RAB28: variants seen among roughly 807,000 people sequenced by gnomAD.
The protein encoded by RAB28 is RAB28, member RAS oncogene family, also known as ras-related protein Rab-28.
In RAB28, 24 loss-of-function variants were observed where a neutral mutation model predicts 31.7. The observed-to-expected ratio is 0.76, with a 90% CI of 0.55 to 1.06. The LOEUF is 1.06. Ranked by LOEUF, RAB28 falls within the 50% of genes least tolerant of loss-of-function variation. RAB28 has a pLI of 0.00. For synonymous variants in RAB28, 100 were observed against 90.4 expected (o/e 1.11, Z -0.60); for missense variants, 254 against 258.5 (o/e 0.98, Z 0.12).
At chr4:13,475,588 C>A (rs1450923917) in intron 2 of RAB28, among the ~76,000 whole-genome samples, 6 of 151,506 alleles carry the variant, frequency 4.0e-5, no homozygotes, top group Non-Finnish European at 7.4e-5. Context: ...GTATTACAAT[C>A]TTTCCATTAT....
intron 4 of RAB28, among the ~76,000 whole-genome samples, chr4:13,417,297 C>T (rs1712838664): frequency 6.6e-6 from 1 of 152,334 alleles, no homozygotes; most frequent in Non-Finnish European, 1.5e-5. Context: ...CTGTAAACCC[C>T]ACCTCTGGGA....
chr4:13,419,049 G>A (rs1030112865), intron 4 of RAB28, among the ~76,000 whole-genome samples: 3 of 152,154 alleles, frequency 2.0e-5, no homozygotes, highest in African/African-American at 7.2e-5. Context: ...TAAAGGGATA[G>A]AGGAAGATCT....
At chr4:13,429,947 C>T (rs1366531867) in intron 4 of RAB28, among the ~76,000 whole-genome samples, 1 of 152,058 alleles carries the variant, frequency 6.6e-6, no homozygotes, top group Admixed American at 6.5e-5. Context: ...CAGTAAGTTA[C>T]AGTAATCAAG....
chr4:13,425,968 A>G (rs1041569306), intron 4 of RAB28, among the ~76,000 whole-genome samples: 3 of 152,164 alleles, frequency 2.0e-5, no homozygotes, highest in African/African-American at 7.2e-5. Flanking sequence ...TGCTTGTTTT[A>G]TAGCAGTGAA....
rs1463200292 is a variant in RAB28, at chr4:13,438,668, C to G, written c.391+22031G>C. On this transcript the variant is annotated intron_variant, in intron 4 of 6. Transcript: ENST00000330852. ...TGTTCCCGATTTATCCATTCTTCAG[C>G]TAATAGAAATTTGGGCTGTTACTAC... 7.2e-5 allele frequency among the ~76,000 whole-genome samples: 11 copies of G among 152,216 alleles called. No individual in the cohort carries two copies. In the East Asian group the frequency reaches 2.1e-3, roughly 29 times the overall value.
intron 4 of RAB28, among the ~76,000 whole-genome samples, chr4:13,383,253 T>G (rs1729211835): frequency 6.6e-6 from 1 of 152,106 alleles, no homozygotes; most frequent in Admixed American, 6.5e-5. Context: ...CCCATTGAAA[T>G]CGCCACCCAT....
intron 4 of RAB28, among the ~76,000 whole-genome samples, chr4:13,387,648 A>G (rs562980245): frequency 6.6e-6 from 1 of 152,186 alleles, no homozygotes; most frequent in East Asian, 1.9e-4. Context: ...ATCTTTTGGT[A>G]TTTGCTAGAT....
chr4:13,371,796 T>C (rs1204812647), intron 6 of RAB28: 3 of 1,547,092 alleles, frequency 1.9e-6, no homozygotes, highest in African/African-American at 2.7e-5. Context: ...AATACCAACC[T>C]TTATTTTTAG....
In RAB28 at chr4:13,479,428, A is replaced by C. The variant is rs953708105; in HGVS notation, c.172+2T>G. On this transcript the variant is annotated splice_donor_variant, in intron 2 of 6. Transcript: ENST00000330852. LOFTEE classifies it high-confidence loss of function. Reference sequence around the variant, plus strand: ...CTACGTTAAGACTTTTTAGTCTCTTACCTGGCAATGTTATCCTTCTCAAAA... The same window carrying C: ...CTACGTTAAGACTTTTTAGTCTCTTCCCTGGCAATGTTATCCTTCTCAAAA... 2 of 1,579,234 alleles carry C rather than the reference A, an allele frequency of 1.3e-6. No homozygotes were observed. Among genetic ancestry groups the C allele is most frequent in the Non-Finnish European group, 1.7e-6 (2 of 1,152,260 alleles).
Position 13,448,608 on chromosome 4 carries a change from A to G in RAB28, c.391+12091T>C, listed in dbSNP as rs1261624005. Among the ~76,000 whole-genome samples, 4 of 152,192 alleles carry G rather than the reference A, an allele frequency of 2.6e-5. No individual in the cohort carries two copies. The South Asian group carries it at 6.2e-4, about 24-fold the overall frequency. On this transcript the variant is annotated intron_variant, in intron 4 of 6. Transcript: ENST00000330852. ...AGATGAAAAACAGTTTTTGATTGAT[A>G]TTATGAAACAGCACTCATTTGCTAT...
intron 4 of RAB28, among the ~76,000 whole-genome samples, chr4:13,445,337 T>G (rs538482127): frequency 1.3e-5 from 2 of 152,068 alleles, no homozygotes; most frequent in South Asian, 4.1e-4. Flanking sequence ...CGAAGTTCAT[T>G]ATTACCCATT....
chr4:13,437,209 C>A (rs1039388607), intron 4 of RAB28, among the ~76,000 whole-genome samples: 5 of 152,128 alleles, frequency 3.3e-5, no homozygotes, highest in East Asian at 1.9e-4. Context: ...ATACAAAAAT[C>A]AACTCAAGAT....
chr4:13,453,072 T>C (rs1485539238), intron 4 of RAB28, among the ~76,000 whole-genome samples: 3 of 152,182 alleles, frequency 2.0e-5, no homozygotes, highest in Non-Finnish European at 4.4e-5. Flanking sequence ...CTGTTTTGTC[T>C]GATTTATGTA....
At chr4:13,398,188 G>C (rs1346098831) in intron 4 of RAB28, among the ~76,000 whole-genome samples, 2 of 152,032 alleles carry the variant, frequency 1.3e-5, no homozygotes, top group Non-Finnish European at 2.9e-5. Context: ...TACAACTTTT[G>C]TTGCTTGTAA....
chr4:13,423,117 T>C (rs1713261155), intron 4 of RAB28, among the ~76,000 whole-genome samples: 1 of 152,292 alleles, frequency 6.6e-6, no homozygotes, highest in South Asian at 2.1e-4. Flanking sequence ...GATACATATA[T>C]GAAAAAGCAA....
chr4:13,427,004 T>C (rs1035491485), intron 4 of RAB28, among the ~76,000 whole-genome samples: 9 of 152,162 alleles, frequency 5.9e-5, no homozygotes, highest in Non-Finnish European at 1.0e-4. Flanking sequence ...TCTACCTCCT[T>C]ATTTTGCCTG....
intron 4 of RAB28, among the ~76,000 whole-genome samples, chr4:13,406,867 G>A (rs774623077): frequency 2.5e-4 from 38 of 152,148 alleles, no homozygotes; most frequent in Non-Finnish European, 1.0e-4. Flanking sequence ...TTGTAAATTT[G>A]TTTAAGTTCC....
At chr4:13,437,234 A>C (rs1714171358) in intron 4 of RAB28, among the ~76,000 whole-genome samples, 2 of 152,146 alleles carry the variant, frequency 1.3e-5, no homozygotes, top group Admixed American at 6.6e-5. Flanking sequence ...TAAAGACTTA[A>C]ATGTAAGACC....
At chr4:13,456,160 T>C (rs558734452) in intron 4 of RAB28, among the ~76,000 whole-genome samples, 4 of 152,290 alleles carry the variant, frequency 2.6e-5, no homozygotes, top group African/African-American at 4.8e-5. Flanking sequence ...TTCTCAAAAA[T>C]GTTCAGTGAA....
Sources: allele counts gnomAD v4.1 joint callset (sites outside exome capture counted in the v4.1 genomes callset), GRCh38; gene constraint gnomAD v4.1.1; transcripts MANE v1.5; gene names NCBI Gene and HGNC (gene_info 2026-07-23, HGNC 2026-07-21).